HIPK2: variants seen among roughly 807,000 people sequenced by gnomAD.
The protein encoded by HIPK2 is homeodomain interacting protein kinase 2.
HIPK2 carries 27 observed loss-of-function variants against 113.7 expected under a neutral mutation model. The observed-to-expected ratio is 0.24, with a 90% CI of 0.17 to 0.33. The LOEUF (loss-of-function observed/expected upper bound fraction) is 0.33. HIPK2 is among the 10% of genes least tolerant of loss of function. The pLI is 1.00. For synonymous variants in HIPK2, 631 were observed against 642.2 expected, an observed-to-expected ratio of 0.98 and a Z score of 0.26; for missense variants, 1,257 against 1,588.0, an observed-to-expected ratio of 0.79 and a Z score of 3.54.
intron 2 of HIPK2, among the ~76,000 whole-genome samples, chr7:139,655,382 G>A (rs1002709590): frequency 2.0e-5 from 3 of 152,230 alleles, no homozygotes; most frequent in African/African-American, 4.8e-5. Context: ...AGTGAATGGG[G>A]AGGCCCTGTG....
intron 13 of HIPK2, among the ~76,000 whole-genome samples, chr7:139,576,787 C>G (rs1365889768): frequency 1.3e-5 from 2 of 152,236 alleles, no homozygotes; most frequent in African/African-American, 2.4e-5. Context: ...CAGGACAGGG[C>G]AGGACAGGGC....
chr7:139,594,054 C>T (rs1799115823), intron 12 of HIPK2, among the ~76,000 whole-genome samples: 1 of 152,054 alleles, frequency 6.6e-6, no homozygotes, highest in South Asian at 2.1e-4. Flanking sequence ...AGCTCCTGCA[C>T]AGGGGTCTTG....
chr7:139,735,394 T>C (rs1351376296), intron 1 of HIPK2, among the ~76,000 whole-genome samples: 1 of 152,182 alleles, frequency 6.6e-6, no homozygotes, highest in South Asian at 2.1e-4. Flanking sequence ...TTTATAGAAT[T>C]AGTTAGTATG....
chr7:139,730,907 T>C (rs1795758421), intron 1 of HIPK2, among the ~76,000 whole-genome samples: 1 of 152,114 alleles, frequency 6.6e-6, no homozygotes, highest in African/African-American at 2.4e-5. Flanking sequence ...AGGCAGAGAC[T>C]GGAGCAATGC....
chr7:139,586,640 C>T (rs556332253), intron 12 of HIPK2, among the ~76,000 whole-genome samples: 5 of 151,714 alleles, frequency 3.3e-5, no homozygotes, highest in Admixed American at 3.3e-4. Context: ...TATGGTGGTG[C>T]ATGCCTGTAG....
chr7:139,580,941 C>T (rs535616029), intron 13 of HIPK2, among the ~76,000 whole-genome samples: 7 of 152,162 alleles, frequency 4.6e-5, no homozygotes, highest in Non-Finnish European at 8.8e-5. Context: ...GTGTCTTGGC[C>T]GGGCATGGTG....
chr7:139,614,325 A>T lies in HIPK2; in HGVS notation c.1951T>A (p.Phe651Ile). 6.4e-7 allele frequency: 1 copy of T among 1,557,968 alleles called. No individual in the cohort carries two copies. Among genetic ancestry groups the T allele is most frequent in the South Asian group, 1.2e-5 (1 of 85,128 alleles). Residue 651 changes from phenylalanine (F) to isoleucine (I), a missense_variant, in exon 8 of 15, where the codon TTC (phenylalanine) becomes ATC (isoleucine). Phe to Ile is a conservative substitution (Grantham distance 21). Coordinates refer to ENST00000406875, the MANE Select transcript of HIPK2 (RefSeq NM_022740.5). The stretch of plus-strand genomic sequence containing the variant: ...GGACACACGATGAGAGCTTGCTGGA[A>T]CGGGTCAGGCCGGGCACAAATCTGG... ...TAQICARPDP[F>I]QQALIVCPPG...
At chr7:139,624,062 G>A (rs181845701) in intron 6 of HIPK2, among the ~76,000 whole-genome samples, 3 of 148,516 alleles carry the variant, frequency 2.0e-5, no homozygotes, top group African/African-American at 5.0e-5. Flanking sequence ...TCGCTCTGTC[G>A]CCCAGGCTGG....
chr7:139,654,461 C>T (rs1286193193), intron 2 of HIPK2, among the ~76,000 whole-genome samples: 1 of 152,138 alleles, frequency 6.6e-6, no homozygotes, highest in Non-Finnish European at 1.5e-5. Flanking sequence ...CAAAGTGAGT[C>T]ATGATCACGC....
Position 139,634,298 on chromosome 7 carries a change from G to A in HIPK2, c.1104-2573C>T, listed in dbSNP as rs552565142. ...TCCGTTGTCCCCATCGCCTGCTGCT[G>A]GGCGTCTTCAGCTGCCAGTGTTCTG... On this transcript the variant is annotated intron_variant, in intron 2 of 14. Transcript: ENST00000406875. Among the ~76,000 whole-genome samples the A allele has an allele frequency of 3.9e-5, 6 of 152,072 alleles. No individual in the cohort carries two copies. In the East Asian group the frequency reaches 1.2e-3, roughly 29 times the overall value.
At chr7:139,745,632 CTCT>C (rs893148769) in intron 1 of HIPK2, among the ~76,000 whole-genome samples, 2 of 152,180 alleles carry the variant, frequency 1.3e-5, no homozygotes, top group African/African-American at 4.8e-5. Context: ...TCTGTTCCTC[CTCT>C]TGTTTTCTCT....
chr7:139,614,424 T>C lies in HIPK2; in HGVS notation c.1852A>G (p.Thr618Ala), dbSNP rs1017224152. ...GATGCCGCTGAGGGCTGGTAGAGTGTAGATGGGTAGTTTAGTATGGAGACT... is the reference window on the plus strand; with the variant it reads ...GATGCCGCTGAGGGCTGGTAGAGTGCAGATGGGTAGTTTAGTATGGAGACT... ...PEVSILNYPSTLYQPSAASMA... is the reference protein window; with the variant it reads ...PEVSILNYPSALYQPSAASMA... The change falls in exon 8 of 15, where the codon ACA (threonine) becomes GCA (alanine). Residue 618 changes from threonine (T) to alanine (A), a missense_variant. Around this residue, in one of 5 missense-constraint regions of HIPK2, gnomAD observed 862 missense variants for 1,004.3 expected, o/e 0.86. Coordinates refer to ENST00000406875, the MANE Select transcript of HIPK2 (RefSeq NM_022740.5). 3.2e-6 allele frequency: 5 copies of C among 1,552,994 alleles called. No individual in the cohort carries two copies. The African/African-American group carries it at 4.1e-5, about 13-fold the overall frequency.
At position 139,683,768 on chromosome 7, in the gene HIPK2, AGATTC is replaced by A. The variant is rs1794129870; in HGVS notation, c.1103+32159_1103+32163del. 6.6e-6 allele frequency among the ~76,000 whole-genome samples: 1 copy of A among 152,260 alleles called. No homozygotes were observed. Among genetic ancestry groups the A allele is most frequent in the South Asian group, 2.1e-4 (1 of 4,824 alleles). On this transcript the variant is annotated intron_variant, in intron 2 of 14. Coordinates refer to ENST00000406875, the MANE Select transcript of HIPK2 (RefSeq NM_022740.5). This position sits in a 1 kb window ranked among gnomAD's most constrained non-coding sequence, Gnocchi z 4.2. ...ATGTCCTTTCCAGAGTAAAATAGAT[AGATTC>A]ATTATTCTGTATTACACCAACAGTT...
At chr7:139,692,976 T>G (rs1231269007) in intron 2 of HIPK2, among the ~76,000 whole-genome samples, 2 of 152,170 alleles carry the variant, frequency 1.3e-5, no homozygotes, top group South Asian at 2.1e-4. Flanking sequence ...TCTGCTGTCA[T>G]GAAGAGATGG....
rs1799963559 is a variant in HIPK2, at chr7:139,614,550, G to A, written c.1783-57C>T. The A allele has an allele frequency of 9.4e-6, 8 of 851,068 alleles. No individual in the cohort carries two copies. The South Asian group carries it at 1.5e-4, about 16-fold the overall frequency. 52.7% of individuals were successfully genotyped at this position (851,068 alleles called of 1,614,324 possible). A position where few individuals can be genotyped will look rare whatever the true frequency, so the allele number is the denominator to read the frequency against. On this transcript the variant is annotated intron_variant, in intron 7 of 14. Transcript: ENST00000406875. ...AACAAAAATAAAAAATGAGGGAGGT[G>A]GCATGTTGGGAGACACGAATCTAAA...
At position 139,575,163 on chromosome 7, in the gene HIPK2, G is replaced by A. The variant is rs1237849740; in HGVS notation, c.3091C>T (p.His1031Tyr). 3 of 1,594,644 alleles carry A rather than the reference G, an allele frequency of 1.9e-6. No individual in the cohort carries two copies. The highest frequency in any genetic ancestry group is 2.6e-6 in the Non-Finnish European group (3 of 1,171,248). The change falls in exon 14 of 15, where the codon CAC becomes TAC. Residue 1031 changes from histidine (H) to tyrosine (Y), a missense_variant. Physicochemically the swap from His to Tyr is moderately conservative, Grantham distance 83. Transcript: ENST00000406875. ...TTGAGTGGCTGCTGCTGCTGGAAGT[G>A]GGGGCCCGGCCGCTGCTGCCGGTAG... ...ITYRQQRPGPHFQQQQPLNLS... is the reference protein window; with the variant it reads ...ITYRQQRPGPYFQQQQPLNLS...
chr7:139,588,914 G>A (rs1252535321), intron 12 of HIPK2, among the ~76,000 whole-genome samples: 1 of 152,236 alleles, frequency 6.6e-6, no homozygotes, highest in Non-Finnish European at 1.5e-5. Context: ...GAGGGGAGGT[G>A]AGGAGATGGC....
At position 139,568,783 on chromosome 7, in the gene HIPK2, G is replaced by A. The variant is rs73485515; in HGVS notation, c.*4144C>T. On this transcript the variant is annotated 3_prime_UTR_variant, in exon 15 of 15. Transcript: ENST00000406875. ...ATGCAATTGGGCATCCAGGGAGCTG[G>A]CCTCTCCTGCAGGGAGCTTCTCTTG... The A allele has an allele frequency of 0.08, 12,240 of 152,290 alleles. 587 individuals are homozygous for A. Among genetic ancestry groups the A allele is most frequent in the African/African-American group, 0.14 (5,647 of 41,522 alleles). 9.4% of individuals were successfully genotyped at this position (152,290 alleles called of 1,614,324 possible).
intron 1 of HIPK2, among the ~76,000 whole-genome samples, chr7:139,733,031 T>C (rs1585435004): frequency 6.6e-6 from 1 of 151,908 alleles, no homozygotes; most frequent in Admixed American, 6.6e-5. Context: ...TCTTGTGAGA[T>C]CTGGTGGCTT....
Sources: gnomAD v4.1 joint callset for allele counts (sites outside exome capture counted in the v4.1 genomes callset) on GRCh38, gnomAD v4.1.1 for gene constraint, gnomAD v4.1.1 regional missense constraint, Gnocchi (gnomAD v3.1) non-coding constraint, MANE v1.5 for transcripts, NCBI Gene and HGNC (gene_info 2026-07-23, HGNC 2026-07-21) for gene names.